The following HSD17B12 variants were observed in gnomAD, a reference collection of about 807,000 sequenced individuals.
The protein encoded by HSD17B12 is very-long-chain 3-oxoacyl-CoA reductase.
In HSD17B12, 32 loss-of-function variants were observed where a neutral mutation model predicts 39.3. That is an observed-to-expected ratio of 0.81 (90% confidence interval 0.61 to 1.09). The LOEUF (loss-of-function observed/expected upper bound fraction) is 1.09. Among genes scored for constraint, HSD17B12 ranks in the 50% least tolerant of loss-of-function variants. The pLI is 0.00. For synonymous variants in HSD17B12, 150 were observed against 146.7 expected, an observed-to-expected ratio of 1.02 and a Z score of -0.16; for missense variants, 342 against 382.9, an observed-to-expected ratio of 0.89 and a Z score of 0.89.
At chr11:43,631,025 G>A in the HSD17B12 span, among the ~76,000 whole-genome samples, 8 of 152,056 alleles carry the variant, frequency 5.3e-5, no homozygotes, top group African/African-American at 4.8e-5. Flanking sequence ...GGCTGGTCTC[G>A]AACTCCTGAC....
chr11:43,558,975 A>G, the HSD17B12 span, among the ~76,000 whole-genome samples: 1 of 152,076 alleles, frequency 6.6e-6, no homozygotes, highest in African/African-American at 2.4e-5. Flanking sequence ...TGTTGGTATG[A>G]AGTGCTGTCT....
the HSD17B12 span, among the ~76,000 whole-genome samples, chr11:43,558,323 C>A: frequency 6.6e-6 from 1 of 152,248 alleles, no homozygotes; most frequent in East Asian, 1.9e-4. Flanking sequence ...CTTCTCCCTC[C>A]CCCGCGTCTT....
the HSD17B12 span, chr11:43,581,329 C>T: frequency 2.1e-6 from 1 of 472,432 alleles, no homozygotes; most frequent in Non-Finnish European, 4.4e-6. The surrounding 1 kb of genome is among the most constrained non-coding windows in gnomAD (Gnocchi z 4.9). Context: ...CCAGCCTGTT[C>T]GGCTCCAGGG....
At chr11:43,815,403 A>G (rs1302307092) in intron 4 of HSD17B12, 34 bp from the exon 5 acceptor site, 1 of 1,253,436 alleles carries the variant, frequency 8.0e-7, no homozygotes, top group South Asian at 1.5e-5. Context: ...AAATATGCAT[A>G]TGTTACTCAG....
At chr11:43,706,018 G>A (rs1196812219) in intron 1 of HSD17B12, among the ~76,000 whole-genome samples, 1 of 151,982 alleles carries the variant, frequency 6.6e-6, no homozygotes, top group Admixed American at 6.6e-5. Flanking sequence ...GTGGGGAAAT[G>A]TACCATCCGG....
intron 7 of HSD17B12, among the ~76,000 whole-genome samples, chr11:43,835,896 T>C (rs1046980980): frequency 6.6e-6 from 1 of 152,184 alleles, no homozygotes; most frequent in South Asian, 2.1e-4. Flanking sequence ...AATTGATCTG[T>C]ATTGTATTTT....
At chr11:43,557,794 A>G in the HSD17B12 span, among the ~76,000 whole-genome samples, 1 of 151,960 alleles carries the variant, frequency 6.6e-6, no homozygotes, top group African/African-American at 2.4e-5. Context: ...GAACGGCTGG[A>G]GCTCAGCCAG....
chr11:43,691,895 G>C lies in HSD17B12; in HGVS notation c.160+10908G>C, dbSNP rs532465835. On this transcript the variant is annotated intron_variant, in intron 1 of 10. Transcript: ENST00000278353. ...GGTTGTTGCATGTTGGCCTCACTCT[G>C]CCTGAGGTGCTCTTTCTCATATTCC... is the stretch of plus-strand genomic sequence containing the variant. 5.9e-5 allele frequency among the ~76,000 whole-genome samples: 9 copies of C among 152,286 alleles called. No homozygotes were observed. In the South Asian group the frequency reaches 1.9e-3, roughly 32 times the overall value.
chr11:43,565,528 G>T, the HSD17B12 span, among the ~76,000 whole-genome samples: 1 of 152,166 alleles, frequency 6.6e-6, no homozygotes, highest in Non-Finnish European at 1.5e-5. Context: ...AAGGGTAGAT[G>T]GAGTTATGGC....
At chr11:43,671,332 A>G in the HSD17B12 span, among the ~76,000 whole-genome samples, 1 of 152,174 alleles carries the variant, frequency 6.6e-6, no homozygotes, top group Non-Finnish European at 1.5e-5. Context: ...GGCTTGTGCC[A>G]CCACACCCAG....
rs763446627 is a variant in HSD17B12 at position 43,816,322 on chromosome 11, T to C, written c.457-25T>C. On this transcript the variant is annotated intron_variant, in intron 5 of 10. Coordinates refer to ENST00000278353, the MANE Select transcript of HSD17B12 (RefSeq NM_016142.3). ...GGTCACTTTCATGATCAAGTGTATA[T>C]AAAATTCTCAATATTTTTTTGCAGG... 6 of 1,458,334 alleles carry C rather than the reference T, an allele frequency of 4.1e-6. No individual in the cohort carries two copies. The East Asian group carries it at 1.3e-4, about 32-fold the overall frequency. 90.3% of individuals were successfully genotyped at this position (1,458,334 alleles called of 1,614,324 possible). A position where few individuals can be genotyped will look rare whatever the true frequency, so the allele number is the denominator to read the frequency against.
chr11:43,733,209 C>A (rs1285747153), intron 1 of HSD17B12, among the ~76,000 whole-genome samples: 1 of 152,098 alleles, frequency 6.6e-6, no homozygotes, highest in African/African-American at 2.4e-5. Flanking sequence ...ATAGGTAGTT[C>A]CTAGTTTATA....
At chr11:43,743,555 G>T (rs1950387461) in intron 1 of HSD17B12, among the ~76,000 whole-genome samples, 1 of 152,204 alleles carries the variant, frequency 6.6e-6, no homozygotes, top group African/African-American at 2.4e-5. Context: ...GGGAAATTAA[G>T]CAGCAGAAGC....
chr11:43,676,692 A>AC (rs1345294472), upstream of HSD17B12, among the ~76,000 whole-genome samples: 2 of 152,144 alleles, frequency 1.3e-5, no homozygotes, highest in Non-Finnish European at 2.9e-5. Flanking sequence ...ACTTCTGTTT[A>AC]TTTCTTAGAT....
the HSD17B12 span, among the ~76,000 whole-genome samples, chr11:43,622,618 A>G: frequency 6.6e-6 from 1 of 152,128 alleles, no homozygotes; most frequent in Non-Finnish European, 1.5e-5. Flanking sequence ...ACTACAACTA[A>G]TTGATAGAAT....
chr11:43,769,187 G>T (rs770076437), intron 3 of HSD17B12, among the ~76,000 whole-genome samples: 1 of 152,196 alleles, frequency 6.6e-6, no homozygotes, highest in Non-Finnish European at 1.5e-5. Flanking sequence ...TGATCCGCCT[G>T]CCTCAGCCTC....
chr11:43,712,957 A>C (rs1482431646), intron 1 of HSD17B12, among the ~76,000 whole-genome samples: 1 of 152,234 alleles, frequency 6.6e-6, no homozygotes, highest in East Asian at 1.9e-4. Context: ...ACATTTCTTC[A>C]GAAATATCAC....
At chr11:43,839,883 A>C in intron 8 of HSD17B12, 116 bp from the exon 9 acceptor site, 1 of 879,820 alleles carries the variant, frequency 1.1e-6, no homozygotes, top group East Asian at 2.7e-5. Flanking sequence ...GAAATGAAAA[A>C]AATGATGAGA....
At chr11:43,594,051 T>C in the HSD17B12 span, among the ~76,000 whole-genome samples, 1 of 152,182 alleles carries the variant, frequency 6.6e-6, no homozygotes, top group Non-Finnish European at 1.5e-5. Flanking sequence ...CTGAAAAATA[T>C]TTATTTTTTT....
Sources: allele counts gnomAD v4.1 joint callset (sites outside exome capture counted in the v4.1 genomes callset), GRCh38; gene constraint gnomAD v4.1.1; non-coding constraint Gnocchi (gnomAD v3.1); transcripts MANE v1.5; gene names NCBI Gene and HGNC (gene_info 2026-07-23, HGNC 2026-07-21).